The following WDR72 variants were observed in gnomAD, a reference collection of about 807,000 sequenced individuals.
The protein encoded by WDR72 is WD repeat domain 72.
Under a neutral mutation model 124.2 loss-of-function variants are expected in WDR72, and 120 were observed. The ratio of observed to expected loss-of-function variants is 0.97; its 90% CI spans 0.83 to 1.12. The LOEUF is 1.12. WDR72 is among the 50% of genes most tolerant of loss of function. WDR72 has a pLI of 0.00. For missense variants in WDR72, 1,387 were observed against 1,278.8 expected, an observed-to-expected ratio of 1.08 and a Z score of -1.29; for synonymous variants, 452 against 441.7, an observed-to-expected ratio of 1.02 and a Z score of -0.29.
intron 18 of WDR72, among the ~76,000 whole-genome samples, chr15:53,594,844 G>A (rs1025073244): frequency 5.0e-5 from 7 of 138,886 alleles, no homozygotes; most frequent in Non-Finnish European, 1.1e-4. Flanking sequence ...TGTAATGAAA[G>A]TATAAAAACA....
intron 19 of WDR72, among the ~76,000 whole-genome samples, chr15:53,519,658 A>C (rs143022126): frequency 2.0e-5 from 3 of 152,210 alleles, no homozygotes; most frequent in African/African-American, 7.2e-5. Context: ...TCAAAGTAAT[A>C]GGAATGCTCT....
chr15:53,725,234 G>A (rs904492910), intron 2 of WDR72, among the ~76,000 whole-genome samples: 1 of 151,892 alleles, frequency 6.6e-6, no homozygotes, highest in Admixed American at 6.6e-5. Flanking sequence ...TAAGAGAAGT[G>A]CAAATTAAAA....
chr15:53,566,191 G>C (rs1164899328), intron 18 of WDR72, among the ~76,000 whole-genome samples: 1 of 151,944 alleles, frequency 6.6e-6, no homozygotes, highest in Non-Finnish European at 1.5e-5. Context: ...AAGACAAAAT[G>C]AAACAGAGGC....
intron 18 of WDR72, among the ~76,000 whole-genome samples, chr15:53,574,903 G>A (rs112370752): frequency 0.011 from 1,698 of 151,422 alleles, 44 homozygotes; most frequent in African/African-American, 0.039. Flanking sequence ...ACCTGGAAAG[G>A]GTTAAAACAA....
At chr15:53,673,462 T>A (rs1025598716) in intron 13 of WDR72, among the ~76,000 whole-genome samples, 1 of 152,188 alleles carries the variant, frequency 6.6e-6, no homozygotes, top group Non-Finnish European at 1.5e-5. Context: ...AAATTATACA[T>A]AAATACATTT....
At chr15:53,556,140 A>C (rs1356624861) in intron 18 of WDR72, among the ~76,000 whole-genome samples, 4 of 152,168 alleles carry the variant, frequency 2.6e-5, no homozygotes, top group African/African-American at 9.6e-5. Context: ...TAAAAGTTTA[A>C]GGCATAATAA....
intron 14 of WDR72, among the ~76,000 whole-genome samples, chr15:53,617,549 C>G (rs927647669): frequency 6.6e-6 from 1 of 151,292 alleles, no homozygotes; most frequent in South Asian, 2.1e-4. Flanking sequence ...ATTATAAGAG[C>G]AAATTTGTCA....
At chr15:53,646,892 A>AT (rs893786490) in intron 14 of WDR72, among the ~76,000 whole-genome samples, 1 of 152,092 alleles carries the variant, frequency 6.6e-6, no homozygotes, top group African/African-American at 2.4e-5. Context: ...AAAGGGAATA[A>AT]TTAAGGGTCT....
chr15:53,643,974 CAGTT>C (rs1427010477), intron 14 of WDR72, among the ~76,000 whole-genome samples: 33 of 152,062 alleles, frequency 2.2e-4, no homozygotes, highest in African/African-American at 8.0e-4. Context: ...ACTGAGCCCT[CAGTT>C]AGAAAATCCA....
chr15:53,700,063 T>C (rs2017124713), intron 12 of WDR72, 118 bp from the exon 13 acceptor site: 1 of 1,161,480 alleles, frequency 8.6e-7, no homozygotes, highest in African/African-American at 1.5e-5. Context: ...TTTACAAAAA[T>C]GATATTTCTG....
intron 1 of WDR72, among the ~76,000 whole-genome samples, chr15:53,745,935 CT>C (rs1218377858): frequency 1.3e-5 from 2 of 152,160 alleles, no homozygotes. Context: ...CAAAGATGCC[CT>C]TGTCTTGCCC....
At chr15:53,713,386 GTATTT>G (rs887669150) in intron 6 of WDR72, among the ~76,000 whole-genome samples, 1 of 120,000 alleles carries the variant, frequency 8.3e-6, no homozygotes, top group African/African-American at 2.8e-5. Flanking sequence ...AAAACCTACA[GTATTT>G]TATTTTATTT....
At chr15:53,536,692 T>G (rs1231387310) in intron 18 of WDR72, among the ~76,000 whole-genome samples, 1 of 152,124 alleles carries the variant, frequency 6.6e-6, no homozygotes, top group Non-Finnish European at 1.5e-5. Flanking sequence ...CCTCCAAAGG[T>G]GGAGAGAATT....
In WDR72 at chr15:53,535,991, T is replaced by A. The variant is rs183935459; in HGVS notation, c.3149-12669A>T. Among the ~76,000 whole-genome samples, 469 of 152,296 alleles carry A rather than the reference T, an allele frequency of 3.1e-3. 1 individual carries two copies. The highest frequency in any genetic ancestry group is 6.4e-3 in the Admixed American group (98 of 15,306). On this transcript the variant is annotated intron_variant, in intron 18 of 19. Coordinates refer to ENST00000360509, the MANE Select transcript of WDR72 (RefSeq NM_182758.4). ...GCATATCCTAGGATGCCTGCCTGCA[T>A]GCGTGTTTAAAGCAACAGCGCTTGA...
intron 13 of WDR72, among the ~76,000 whole-genome samples, chr15:53,676,473 T>C (rs2016176285): frequency 6.6e-6 from 1 of 152,210 alleles, no homozygotes; most frequent in Non-Finnish European, 1.5e-5. Flanking sequence ...ATTGGAAGTA[T>C]TTGATGTGCC....
intron 13 of WDR72, among the ~76,000 whole-genome samples, chr15:53,699,431 T>C (rs1049951315): frequency 1.3e-5 from 2 of 152,202 alleles, no homozygotes; most frequent in South Asian, 2.1e-4. Context: ...TAATGATAAT[T>C]TGAGACCAGT....
chr15:53,583,050 T>C lies in WDR72; in HGVS notation c.3148+14029A>G, dbSNP rs148203390. Among the ~76,000 whole-genome samples, 230 of 152,072 alleles carry C rather than the reference T, an allele frequency of 1.5e-3. 3 individuals carry two copies. Among genetic ancestry groups the C allele is most frequent in the Non-Finnish European group, 2.4e-3 (166 of 67,924 alleles). On this transcript the variant is annotated intron_variant, in intron 18 of 19. Transcript: ENST00000360509. The stretch of plus-strand genomic sequence containing the variant: ...TTACTGTCTTGTAAATTCCATCCTC[T>C]ACATAATGCCTCATGAAATAGGGTG...
At chr15:53,681,150 C>G (rs188839147) in intron 13 of WDR72, among the ~76,000 whole-genome samples, 47 of 152,342 alleles carry the variant, frequency 3.1e-4, no homozygotes, top group Admixed American at 7.8e-4. Context: ...TATCCTTTAT[C>G]TCTCAGCCAA....
chr15:53,535,099 G>A (rs1892692209), intron 18 of WDR72, among the ~76,000 whole-genome samples: 1 of 151,990 alleles, frequency 6.6e-6, no homozygotes, highest in Admixed American at 6.6e-5. Flanking sequence ...AATAATTCTT[G>A]TGATCTTAAT....
Sources: allele counts gnomAD v4.1 joint callset (sites outside exome capture counted in the v4.1 genomes callset), GRCh38; gene constraint gnomAD v4.1.1; transcripts MANE v1.5; gene names NCBI Gene and HGNC (gene_info 2026-07-23, HGNC 2026-07-21).